SPOCK1: variants seen among roughly 807,000 people sequenced by gnomAD.
SPOCK1 encodes SPARC (osteonectin), cwcv and kazal like domains proteoglycan 1, also known as testican-1.
SPOCK1 carries 23 observed loss-of-function variants against 55.3 expected under a neutral mutation model. The observed-to-expected ratio is 0.42, with a 90% CI of 0.30 to 0.59. SPOCK1 has a LOEUF of 0.59. Among genes scored for constraint, SPOCK1 ranks in the 20% least tolerant of loss-of-function variants. The pLI, the probability that SPOCK1 is intolerant of heterozygous loss-of-function variation, is 0.22. For missense variants in SPOCK1, 499 were observed against 552.5 expected, an observed-to-expected ratio of 0.90 and a Z score of 0.97; for synonymous variants, 226 against 221.0, an observed-to-expected ratio of 1.02 and a Z score of -0.20.
intron 2 of SPOCK1, among the ~76,000 whole-genome samples, chr5:137,331,865 G>A (rs1426262442): frequency 2.0e-5 from 3 of 152,138 alleles, no homozygotes; most frequent in Non-Finnish European, 2.9e-5. Context: ...TCAACCTGCC[G>A]CAGCACATCC....
At chr5:137,317,418 G>A (rs1008530713) in intron 2 of SPOCK1, among the ~76,000 whole-genome samples, 3 of 152,254 alleles carry the variant, frequency 2.0e-5, no homozygotes, top group South Asian at 2.1e-4. Flanking sequence ...TATTACTGCC[G>A]TTTTGGTGCA....
At chr5:137,205,323 G>A (rs909582179) in intron 3 of SPOCK1, among the ~76,000 whole-genome samples, 17 of 151,954 alleles carry the variant, frequency 1.1e-4, no homozygotes, top group African/African-American at 3.4e-4. Flanking sequence ...CCTATTGCAC[G>A]TCAGTGAAAG....
intron 3 of SPOCK1, among the ~76,000 whole-genome samples, chr5:137,231,369 C>T (rs1410496494): frequency 6.6e-6 from 1 of 152,106 alleles, no homozygotes; most frequent in Non-Finnish European, 1.5e-5. Flanking sequence ...TTATAACCCA[C>T]CCACCTTCCT....
intron 6 of SPOCK1, among the ~76,000 whole-genome samples, chr5:137,040,466 G>T (rs1455562202): frequency 6.6e-6 from 1 of 152,174 alleles, no homozygotes; most frequent in Non-Finnish European, 1.5e-5. Flanking sequence ...AAGACAGGTG[G>T]AAAAACACTG....
At chr5:137,259,688 T>A (rs370181752) in intron 3 of SPOCK1, among the ~76,000 whole-genome samples, 28 of 130,206 alleles carry the variant, frequency 2.2e-4, no homozygotes, top group South Asian at 2.6e-4. Context: ...CACATGAAAG[T>A]AAAAAAAAAA....
intron 2 of SPOCK1, among the ~76,000 whole-genome samples, chr5:137,407,539 C>T (rs906218123): frequency 4.6e-5 from 7 of 152,054 alleles, no homozygotes; most frequent in African/African-American, 7.2e-5. Flanking sequence ...ATGCTTAAAT[C>T]CTGCCTGAGC....
intron 6 of SPOCK1, among the ~76,000 whole-genome samples, chr5:137,020,242 A>C (rs1302156790): frequency 6.6e-6 from 1 of 151,918 alleles, no homozygotes; most frequent in Non-Finnish European, 1.5e-5. Context: ...CAAGACAAAA[A>C]GGATAAAGAA....
intron 3 of SPOCK1, among the ~76,000 whole-genome samples, chr5:137,142,663 G>A (rs757254641): frequency 2.4e-4 from 37 of 152,352 alleles, no homozygotes; most frequent in Non-Finnish European, 4.4e-4. Flanking sequence ...TTCACTCAGA[G>A]CTCTTAAGCT....
chr5:137,250,155 A>C (rs2127105548), intron 3 of SPOCK1, among the ~76,000 whole-genome samples: 1 of 152,384 alleles, frequency 6.6e-6, no homozygotes, highest in South Asian at 2.1e-4. Context: ...TTCCACAGAT[A>C]AAATTTTATT....
intron 2 of SPOCK1, among the ~76,000 whole-genome samples, chr5:137,366,404 C>A (rs943788839): frequency 6.6e-6 from 1 of 152,160 alleles, no homozygotes; most frequent in African/African-American, 2.4e-5. Flanking sequence ...CTTGTTTAAT[C>A]CCCACAAAAA....
chr5:137,065,310 T>C (rs768103252), intron 6 of SPOCK1, among the ~76,000 whole-genome samples: 5 of 152,030 alleles, frequency 3.3e-5, no homozygotes, highest in Non-Finnish European at 7.4e-5. Context: ...ATTAGGATAC[T>C]GTTGGTACTG....
chr5:137,170,224 T>C (rs1441720005), intron 3 of SPOCK1, among the ~76,000 whole-genome samples: 1 of 152,202 alleles, frequency 6.6e-6, no homozygotes, highest in Non-Finnish European at 1.5e-5. Context: ...ATTGTTTTTA[T>C]TTGTATTTTA....
chr5:137,235,090 T>C (rs1580821165), intron 3 of SPOCK1, among the ~76,000 whole-genome samples: 1 of 152,314 alleles, frequency 6.6e-6, no homozygotes, highest in Admixed American at 6.5e-5. Flanking sequence ...ACCAGACATT[T>C]GGGGCTGAAT....
At chr5:137,258,082 T>A (rs1261167128) in intron 3 of SPOCK1, among the ~76,000 whole-genome samples, 4 of 152,258 alleles carry the variant, frequency 2.6e-5, no homozygotes, top group Non-Finnish European at 5.9e-5. Flanking sequence ...CTCTATCTCC[T>A]GCCAAAGCTT....
rs115165570 is a variant in SPOCK1, at chr5:137,039,117, T to G, written c.589+28598A>C. Among the ~76,000 whole-genome samples, 645 of 152,206 alleles carry G rather than the reference T, an allele frequency of 4.2e-3. 6 individuals are homozygous for G. The highest frequency in any genetic ancestry group is 0.015 in the African/African-American group (624 of 41,518). On this transcript the variant is annotated intron_variant, in intron 6 of 10. Transcript: ENST00000394945. Reference sequence around the variant, plus strand: ...TTATTTTGATCATTTCATTAAAACCTCAAAACAACTCCACGAGGAGGTATT... The same window carrying G: ...TTATTTTGATCATTTCATTAAAACCGCAAAACAACTCCACGAGGAGGTATT...
intron 3 of SPOCK1, among the ~76,000 whole-genome samples, chr5:137,193,485 T>C (rs564507504): frequency 6.6e-6 from 1 of 152,150 alleles, no homozygotes; most frequent in South Asian, 2.1e-4. Context: ...ATTCCAGGGA[T>C]AGATCAGAAC....
At chr5:137,124,056 C>A (rs1753734400) in intron 4 of SPOCK1, among the ~76,000 whole-genome samples, 1 of 152,034 alleles carries the variant, frequency 6.6e-6, no homozygotes, top group South Asian at 2.1e-4. Flanking sequence ...TTGGAACCAC[C>A]ACCGAAGAAC....
chr5:137,329,644 G>T (rs1384364259), intron 2 of SPOCK1, among the ~76,000 whole-genome samples: 1 of 152,180 alleles, frequency 6.6e-6, no homozygotes, highest in Non-Finnish European at 1.5e-5. Flanking sequence ...GGGATGTAGT[G>T]GGGAGGGAGA....
chr5:137,468,789 C>A (rs13184882), intron 2 of SPOCK1, among the ~76,000 whole-genome samples: 3 of 152,174 alleles, frequency 2.0e-5, no homozygotes, highest in African/African-American at 7.2e-5. Flanking sequence ...ACAGGGAGAA[C>A]GAAGCAGGCA....
Sources: gnomAD v4.1 joint callset for allele counts (sites outside exome capture counted in the v4.1 genomes callset) on GRCh38, gnomAD v4.1.1 for gene constraint, MANE v1.5 for transcripts, NCBI Gene and HGNC (gene_info 2026-07-23, HGNC 2026-07-21) for gene names.